CHMP4B: variants seen among roughly 807,000 people sequenced by gnomAD.
The protein encoded by CHMP4B is SNF7 homolog associated with Alix 1.
CHMP4B carries 1 observed loss-of-function variant against 25.1 expected under a neutral mutation model. The observed-to-expected ratio is 0.04, with a 90% CI of 0.01 to 0.19. The LOEUF is 0.19. Ranked by LOEUF, CHMP4B falls within the 10% of genes least tolerant of loss-of-function variation. The pLI is 1.00. For missense variants in CHMP4B, 151 were observed against 289.7 expected, an observed-to-expected ratio of 0.52 and a Z score of 3.48; for synonymous variants, 101 against 115.6, an observed-to-expected ratio of 0.87 and a Z score of 0.81.
At chr20:33,811,858 T>A (rs1309841197) in intron 1 of CHMP4B, among the ~76,000 whole-genome samples, 200 bp downstream of exon 1, 1 of 152,070 alleles carries the variant, frequency 6.6e-6, no homozygotes, top group African/African-American at 2.4e-5. Flanking sequence ...TCGTCAGACT[T>A]ATTCTGCCCT....
intron 1 of CHMP4B, among the ~76,000 whole-genome samples, chr20:33,834,792 ATTTAT>A (rs1036042172): frequency 6.6e-6 from 1 of 151,946 alleles, no homozygotes; most frequent in Non-Finnish European, 1.5e-5. Context: ...CGTGATTCCT[ATTTAT>A]TTTATTTTTA....
At chr20:33,844,909 C>G (rs1011394217) in intron 1 of CHMP4B, among the ~76,000 whole-genome samples, 4 of 152,144 alleles carry the variant, frequency 2.6e-5, no homozygotes, top group African/African-American at 9.7e-5. Context: ...CAGGCGCCTG[C>G]CACCACACCC....
intron 1 of CHMP4B, among the ~76,000 whole-genome samples, chr20:33,817,743 G>C (rs1280523895): frequency 6.6e-6 from 1 of 152,198 alleles, no homozygotes; most frequent in African/African-American, 2.4e-5. Context: ...GTCTTTAAGA[G>C]TGTGAGAGAG....
chr20:33,811,754 C>A, intron 1 of CHMP4B, 96 bp downstream of exon 1: 3 of 1,305,422 alleles, frequency 2.3e-6, no homozygotes, highest in South Asian at 1.3e-5. Context: ...GGGGTCTGGT[C>A]TGACCCTGGA....
At chr20:33,838,989 C>A (rs1039170208) in intron 1 of CHMP4B, among the ~76,000 whole-genome samples, 1 of 151,712 alleles carries the variant, frequency 6.6e-6, no homozygotes, top group South Asian at 2.1e-4. Context: ...CTGGAATAAT[C>A]TGCTGCTTAC....
At chr20:33,819,555 C>A (rs1978876054) in intron 1 of CHMP4B, among the ~76,000 whole-genome samples, 1 of 152,192 alleles carries the variant, frequency 6.6e-6, no homozygotes, top group Non-Finnish European at 1.5e-5. Flanking sequence ...TCTAGCTCTA[C>A]CTCCTCCCTC....
intron 1 of CHMP4B, among the ~76,000 whole-genome samples, chr20:33,842,438 A>G (rs970293913): frequency 6.6e-6 from 1 of 152,178 alleles, no homozygotes; most frequent in African/African-American, 2.4e-5. Flanking sequence ...TCTCCTGGCT[A>G]AGGGCACCCT....
chr20:33,825,357 T>C (rs1979066990), intron 1 of CHMP4B, among the ~76,000 whole-genome samples: 1 of 152,192 alleles, frequency 6.6e-6, no homozygotes, highest in South Asian at 2.1e-4. Context: ...TATTGTGTGA[T>C]ATATTCATCA....
intron 1 of CHMP4B, among the ~76,000 whole-genome samples, chr20:33,816,574 A>T (rs1266669504): frequency 6.6e-6 from 1 of 152,222 alleles, no homozygotes; most frequent in Non-Finnish European, 1.5e-5. Context: ...AAAGGTGATC[A>T]TACTTTTCTG....
chr20:33,843,289 G>A (rs1440249205), intron 1 of CHMP4B, among the ~76,000 whole-genome samples: 1 of 152,208 alleles, frequency 6.6e-6, no homozygotes, highest in East Asian at 1.9e-4. Context: ...AATTGCTGCT[G>A]TAATTACTCT....
At chr20:33,819,782 G>A (rs973378129) in intron 1 of CHMP4B, among the ~76,000 whole-genome samples, 2 of 152,158 alleles carry the variant, frequency 1.3e-5, no homozygotes, top group African/African-American at 4.8e-5. Context: ...CTGAACAACA[G>A]CTTCTTTAGC....
intron 1 of CHMP4B, among the ~76,000 whole-genome samples, chr20:33,824,329 A>G (rs1452068583): frequency 6.6e-6 from 1 of 152,066 alleles, no homozygotes; most frequent in East Asian, 1.9e-4. Flanking sequence ...CTGTGCATCC[A>G]CCCTGGCTCC....
chr20:33,852,126 A>C lies in CHMP4B; in HGVS notation c.533A>C (p.Lys178Thr), dbSNP rs768683361. 6.2e-7 allele frequency: 1 copy of C among 1,614,254 alleles called. No homozygotes were observed. The highest frequency in any genetic ancestry group is 1.1e-5 in the South Asian group (1 of 91,090). ...LEELEQEELD[K>T]NLLEISGPET... Reference sequence around the variant, plus strand: ...GAACTAGAACAGGAGGAACTAGACAAGAATTTGCTGGAAATCAGTGGACCC... The same window carrying C: ...GAACTAGAACAGGAGGAACTAGACACGAATTTGCTGGAAATCAGTGGACCC... The change falls in exon 4 of 5, where the codon AAG (lysine) becomes ACG (threonine). Residue 178 changes from lysine (K) to threonine (T), a missense_variant. Around this residue, in one of 3 missense-constraint regions of CHMP4B, gnomAD observed 82 missense variants for 208.3 expected, o/e 0.39. Transcript: ENST00000217402.
chr20:33,814,025 C>A (rs963112578), intron 1 of CHMP4B, among the ~76,000 whole-genome samples: 1 of 152,186 alleles, frequency 6.6e-6, no homozygotes, highest in Non-Finnish European at 1.5e-5. Flanking sequence ...GCCATCGCAC[C>A]CAGCCGTTTC....
intron 1 of CHMP4B, among the ~76,000 whole-genome samples, chr20:33,812,213 A>C (rs1978645942): frequency 6.6e-6 from 1 of 151,994 alleles, no homozygotes; most frequent in Non-Finnish European, 1.5e-5. Context: ...TGCTCTATTC[A>C]CTTGCTGAGT....
intron 1 of CHMP4B, among the ~76,000 whole-genome samples, chr20:33,814,303 A>G (rs998101989): frequency 1.3e-5 from 2 of 152,216 alleles, no homozygotes; most frequent in Non-Finnish European, 2.9e-5. Context: ...AGAGTCAGAG[A>G]TGAAAATACA....
At chr20:33,821,861 G>T (rs1457785411) in intron 1 of CHMP4B, among the ~76,000 whole-genome samples, 1 of 152,000 alleles carries the variant, frequency 6.6e-6, no homozygotes, top group African/African-American at 2.4e-5. Flanking sequence ...CTGTCGCCCA[G>T]GCTGGAGTAC....
intron 1 of CHMP4B, among the ~76,000 whole-genome samples, chr20:33,845,760 A>G (rs1979672401): frequency 6.6e-6 from 1 of 152,190 alleles, no homozygotes; most frequent in Non-Finnish European, 1.5e-5. Context: ...TGATTAGAGT[A>G]TGTCTAGGGT....
chr20:33,830,517 A>C (rs1333042319), intron 1 of CHMP4B, among the ~76,000 whole-genome samples: 2 of 152,186 alleles, frequency 1.3e-5, no homozygotes, highest in Non-Finnish European at 2.9e-5. Flanking sequence ...CCCTCTTCCC[A>C]GCTGGAAGAC....
Sources: allele counts gnomAD v4.1 joint callset (sites outside exome capture counted in the v4.1 genomes callset), GRCh38; gene constraint gnomAD v4.1.1; regional missense constraint gnomAD v4.1.1; transcripts MANE v1.5; gene names NCBI Gene and HGNC (gene_info 2026-07-23, HGNC 2026-07-21).